SF3A3: variants seen among roughly 807,000 people sequenced by gnomAD.
SF3A3 encodes splicing factor 3a subunit 3, also known as SAP 61.
A neutral mutation model predicts 85.8 loss-of-function variants in SF3A3; 9 were observed. That is an observed-to-expected ratio of 0.10 (90% CI 0.06 to 0.18). The LOEUF (loss-of-function observed/expected upper bound fraction) is 0.18. SF3A3 is among the 10% of genes least tolerant of loss of function. SF3A3 has a pLI of 1.00. For synonymous variants in SF3A3, 195 were observed against 204.4 expected, an observed-to-expected ratio of 0.95 and a Z score of 0.39; for missense variants, 306 against 593.3, an observed-to-expected ratio of 0.52 and a Z score of 5.03.
intron 11 of SF3A3, among the ~76,000 whole-genome samples, chr1:37,977,777 T>C (rs1646389248): frequency 6.6e-6 from 1 of 151,968 alleles, no homozygotes; most frequent in Non-Finnish European, 1.5e-5. Flanking sequence ...CGGTGGAGGT[T>C]GCAGCGAGCC....
intron 12 of SF3A3, among the ~76,000 whole-genome samples, chr1:37,970,299 C>A: frequency 7.6e-6 from 1 of 132,016 alleles, no homozygotes; most frequent in Non-Finnish European, 1.6e-5. Context: ...AGTGAGACTC[C>A]TTCTCAAAAA....
At chr1:37,985,857 T>C (rs555249663) in intron 4 of SF3A3, among the ~76,000 whole-genome samples, 1 of 152,234 alleles carries the variant, frequency 6.6e-6, no homozygotes, top group East Asian at 1.9e-4. Flanking sequence ...CTGTTTTTAG[T>C]CTCTTCCTTT....
chr1:37,980,841 C>CTT (rs760972269), intron 7 of SF3A3, 117 bp from the exon 8 acceptor site: 1,032 of 95,136 alleles, frequency 0.011, 2 homozygotes, highest in East Asian at 0.017. Flanking sequence ...TTTTAATACT[C>CTT]TTTTTTTTTT....
intron 6 of SF3A3, among the ~76,000 whole-genome samples, chr1:37,983,663 C>T (rs553510145): frequency 1.4e-5 from 2 of 140,096 alleles, no homozygotes; most frequent in Non-Finnish European, 3.0e-5. Context: ...GGACTGGGTA[C>T]AATGGCTCAT....
chr1:37,987,559 T>G lies in SF3A3; in HGVS notation c.303+14A>C. The G allele has an allele frequency of 6.3e-7, 1 of 1,577,000 alleles. No individual in the cohort carries two copies. The highest frequency in any genetic ancestry group is 2.2e-5 in the East Asian group (1 of 44,728). On this transcript the variant is annotated intron_variant, in intron 4 of 16. Transcript: ENST00000373019. ...AAGGATAGGTCTGGAGAAAATACTTTTCTGAGGACATACCTCATTTGGGTG... is the reference window on the plus strand; with the variant it reads ...AAGGATAGGTCTGGAGAAAATACTTGTCTGAGGACATACCTCATTTGGGTG...
intron 1 of SF3A3, 60 bp downstream of exon 1, chr1:37,989,810 G>T: frequency 7.1e-7 from 1 of 1,408,634 alleles, no homozygotes; most frequent in Non-Finnish European, 1.0e-6. Flanking sequence ...AGCTCTCAGA[G>T]GTCAAACACG....
intron 12 of SF3A3, among the ~76,000 whole-genome samples, chr1:37,976,646 G>A (rs753896723): frequency 1.3e-5 from 2 of 152,022 alleles, no homozygotes; most frequent in East Asian, 1.9e-4. Flanking sequence ...ATATTGTGAG[G>A]GGACTCTATT....
At chr1:37,960,426 G>T in intron 15 of SF3A3, 1 of 473,414 alleles carries the variant, frequency 2.1e-6, no homozygotes, top group East Asian at 3.0e-5. Context: ...CGAAAACAGA[G>T]AAACTGATAC....
At chr1:37,969,147 T>C (rs1646322070) in intron 14 of SF3A3, among the ~76,000 whole-genome samples, 1 of 152,160 alleles carries the variant, frequency 6.6e-6, no homozygotes, top group Non-Finnish European at 1.5e-5. Context: ...AGTGGTGCGG[T>C]AGAATTCCTC....
chr1:37,962,430 C>G (rs1646267659), intron 15 of SF3A3, among the ~76,000 whole-genome samples: 1 of 150,570 alleles, frequency 6.6e-6, no homozygotes, highest in Non-Finnish European at 1.5e-5. Flanking sequence ...ATGGAGAAAC[C>G]CCATCTCTAA....
At position 37,961,759 on chromosome 1, in the gene SF3A3, CAAA is replaced by C. The variant is rs10699691; in HGVS notation, c.1373-1587_1373-1585del. Among the ~76,000 whole-genome samples the C allele has an allele frequency of 3.2e-4, 12 of 37,802 alleles. No individual in the cohort carries two copies. The East Asian group carries it at 5.2e-3, about 16-fold the overall frequency. 24.8% of individuals were successfully genotyped at this position (37,802 alleles called of 152,430 possible). A position where few individuals can be genotyped will look rare whatever the true frequency, so the allele number is the denominator to read the frequency against. ...AGCCTGGGTGACAAAGCAAGACTGC[CAAA>C]AAAAAAAAAAAAAAAAAAAAAGAAA... On this transcript the variant is annotated intron_variant, in intron 15 of 16. Transcript: ENST00000373019.
In SF3A3 at chr1:37,987,633, A is replaced by T. The variant is rs779540483; in HGVS notation, c.243T>A (p.Phe81Leu). 22 of 1,614,050 alleles carry T rather than the reference A, an allele frequency of 1.4e-5. No homozygotes were observed. The change falls in exon 4 of 17, where the codon TTT becomes TTA. Residue 81 changes from phenylalanine (F) to leucine (L), a missense_variant. Physicochemically the swap from Phe to Leu is conservative, Grantham distance 22. Transcript: ENST00000373019. ...ELNAISGPNEFAEFYNRLKQI... is the reference protein window; with the variant it reads ...ELNAISGPNELAEFYNRLKQI... ...GCTTGAGTCTATTATAGAATTCAGC[A>T]AACTCATTGGGTCCTGAAATGGCAT...
chr1:37,976,386 G>A (rs200027854), intron 12 of SF3A3, among the ~76,000 whole-genome samples: 1 of 152,082 alleles, frequency 6.6e-6, no homozygotes, highest in East Asian at 1.9e-4. Flanking sequence ...AGCTCCTCCT[G>A]AAATATTCAA....
chr1:37,973,892 T>TA (rs573552228), intron 12 of SF3A3, among the ~76,000 whole-genome samples: 209 of 152,320 alleles, frequency 1.4e-3, no homozygotes, highest in Admixed American at 3.9e-3. Context: ...CATGGAATAC[T>TA]ATGCAGCCAT....
intron 16 of SF3A3, 60 bp downstream of exon 16, chr1:37,960,060 T>C (rs1042180129): frequency 8.0e-6 from 11 of 1,369,050 alleles, no homozygotes; most frequent in Non-Finnish European, 1.0e-5. Flanking sequence ...CCTTTCTACA[T>C]GGTGAGGGAG....
rs1646351328 is a variant in SF3A3, at chr1:37,972,583, G to C, written c.1006-2848C>G. Reference sequence around the variant, plus strand: ...TTGCCAAGACAATCCTAAGCCAAAAGAACAAAGCTGGAGGCATCACGCTAT... The same window carrying C: ...TTGCCAAGACAATCCTAAGCCAAAACAACAAAGCTGGAGGCATCACGCTAT... On this transcript the variant is annotated intron_variant, in intron 12 of 16. Transcript: ENST00000373019. Among the ~76,000 whole-genome samples the C allele has an allele frequency of 2.6e-5, 4 of 152,144 alleles. No individual in the cohort carries two copies. In the South Asian group the frequency reaches 8.3e-4, roughly 32 times the overall value.
intron 12 of SF3A3, among the ~76,000 whole-genome samples, chr1:37,973,799 C>CT (rs1165934996): frequency 6.6e-6 from 1 of 152,116 alleles, no homozygotes; most frequent in Admixed American, 6.6e-5. Context: ...TATTGCAGCA[C>CT]TAGTCACAAT....
chr1:37,958,772 GA>G (rs760685657), intron 16 of SF3A3, among the ~76,000 whole-genome samples: 1 of 151,832 alleles, frequency 6.6e-6, no homozygotes, highest in African/African-American at 2.4e-5. Context: ...CTGCCAAAAA[GA>G]AAAAAAATAC....
At chr1:37,965,051 GGGA>G (rs2148715997) in intron 15 of SF3A3, among the ~76,000 whole-genome samples, 1 of 152,162 alleles carries the variant, frequency 6.6e-6, no homozygotes, top group South Asian at 2.1e-4. Flanking sequence ...CCAGCTACTT[GGGA>G]GGTTAAGGCA....
Sources: allele counts gnomAD v4.1 joint callset (sites outside exome capture counted in the v4.1 genomes callset), GRCh38; gene constraint gnomAD v4.1.1; transcripts MANE v1.5; gene names NCBI Gene and HGNC (gene_info 2026-07-23, HGNC 2026-07-21).